FRMD4B: variants seen among roughly 807,000 people sequenced by gnomAD.
The protein encoded by FRMD4B is FERM domain containing 4B.
A neutral mutation model predicts 141.5 loss-of-function variants in FRMD4B; 74 were observed. The observed-to-expected ratio is 0.52, with a 90% CI of 0.43 to 0.63. The LOEUF (loss-of-function observed/expected upper bound fraction) is 0.63, where lower values mean the gene tolerates loss of function less well. Ranked by LOEUF, FRMD4B falls within the 30% of genes least tolerant of loss-of-function variation. FRMD4B has a pLI of 0.00. For synonymous variants in FRMD4B, 506 were observed against 467.9 expected, an observed-to-expected ratio of 1.08 and a Z score of -1.05; for missense variants, 1,366 against 1,253.4, an observed-to-expected ratio of 1.09 and a Z score of -1.36.
At chr3:69,480,898 G>C (rs1024258633) in intron 1 of FRMD4B, among the ~76,000 whole-genome samples, 50 of 152,350 alleles carry the variant, frequency 3.3e-4, no homozygotes, top group African/African-American at 1.1e-3. Context: ...GTTTACCTAA[G>C]CAAGCCTGGG....
At chr3:69,206,305 G>A (rs752229250) in intron 11 of FRMD4B, among the ~76,000 whole-genome samples, 8 of 152,132 alleles carry the variant, frequency 5.3e-5, no homozygotes, top group Non-Finnish European at 8.8e-5. Flanking sequence ...AGCTGAGATC[G>A]TGCCACTGCA....
chr3:69,503,633 A>G (rs867309933), intron 1 of FRMD4B, among the ~76,000 whole-genome samples: 105 of 152,336 alleles, frequency 6.9e-4, no homozygotes, highest in African/African-American at 2.5e-3. Context: ...ATGTATTCAT[A>G]TGTAACAATC....
intron 1 of FRMD4B, among the ~76,000 whole-genome samples, chr3:69,482,554 C>T (rs142091164): frequency 1.5e-4 from 23 of 152,296 alleles, no homozygotes; most frequent in Admixed American, 1.3e-4. Context: ...GTCTGACCTG[C>T]GCAATGCTCT....
intron 1 of FRMD4B, among the ~76,000 whole-genome samples, chr3:69,480,799 C>T (rs9826150): frequency 0.2 from 30,059 of 152,072 alleles, 3,810 homozygotes; most frequent in African/African-American, 0.36. Flanking sequence ...TTTGTCTCTG[C>T]CCTGCCCCCA....
At chr3:69,424,886 A>T (rs1431908423) in intron 2 of FRMD4B, among the ~76,000 whole-genome samples, 1 of 152,222 alleles carries the variant, frequency 6.6e-6, no homozygotes, top group East Asian at 1.9e-4. Context: ...AGTTATATAG[A>T]TGTAATATAG....
At chr3:69,381,569 C>T (rs1279901695) in intron 1 of FRMD4B, among the ~76,000 whole-genome samples, 2 of 152,184 alleles carry the variant, frequency 1.3e-5, no homozygotes, top group East Asian at 3.9e-4. Context: ...TATGTAACTC[C>T]CTGGTGTGTG....
At chr3:69,187,627 T>G in intron 19 of FRMD4B, 143 bp downstream of exon 19, 1 of 572,632 alleles carries the variant, frequency 1.7e-6, no homozygotes, top group Non-Finnish European at 2.9e-6. Context: ...ACTGGGTTAG[T>G]TTCTATGCCC....
intron 2 of FRMD4B, among the ~76,000 whole-genome samples, chr3:69,414,943 G>A (rs1704828207): frequency 7.3e-6 from 1 of 137,676 alleles, no homozygotes. Context: ...TCGGCTCACT[G>A]CAACCTCCGC....
chr3:69,370,542 C>T (rs544673771), intron 1 of FRMD4B, among the ~76,000 whole-genome samples: 8 of 152,222 alleles, frequency 5.3e-5, no homozygotes, highest in African/African-American at 1.4e-4. Flanking sequence ...AGAAGCCAAA[C>T]GAATGTATTC....
intron 7 of FRMD4B, among the ~76,000 whole-genome samples, chr3:69,247,601 C>T (rs1045466037): frequency 1.3e-5 from 2 of 152,164 alleles, no homozygotes; most frequent in Non-Finnish European, 2.9e-5. Context: ...ATTCTCCTGC[C>T]TTAGCCTCCT....
intron 1 of FRMD4B, among the ~76,000 whole-genome samples, chr3:69,530,548 T>C (rs1391931729): frequency 6.6e-6 from 1 of 151,754 alleles, no homozygotes; most frequent in African/African-American, 2.4e-5. Context: ...ATGAGTCAAA[T>C]AAAACCTCTT....
intron 1 of FRMD4B, chr3:69,541,436 G>C (rs900875828): frequency 6.6e-6 from 1 of 152,316 alleles, no homozygotes; most frequent in African/African-American, 2.4e-5. Flanking sequence ...GAGAGAGAGA[G>C]AGACCTCCTC....
intron 2 of FRMD4B, among the ~76,000 whole-genome samples, chr3:69,430,151 AC>A (rs147618067): frequency 0.027 from 4,100 of 152,134 alleles, 156 homozygotes; most frequent in East Asian, 0.09. Flanking sequence ...TATAATCAGG[AC>A]TGATATTGAG....
intron 19 of FRMD4B, among the ~76,000 whole-genome samples, chr3:69,183,778 A>G (rs1342031651): frequency 1.3e-5 from 2 of 151,928 alleles, no homozygotes; most frequent in African/African-American, 2.4e-5. Context: ...CACCGCGCCC[A>G]GCCTGAAGTT....
intron 1 of FRMD4B, among the ~76,000 whole-genome samples, chr3:69,482,781 C>G (rs927756846): frequency 6.6e-6 from 1 of 152,200 alleles, no homozygotes; most frequent in Admixed American, 6.5e-5. Context: ...TCGGGTGACC[C>G]CCATAGGGGT....
At chr3:69,270,601 C>A (rs1208202756) in intron 5 of FRMD4B, among the ~76,000 whole-genome samples, 1 of 148,188 alleles carries the variant, frequency 6.7e-6, no homozygotes, top group African/African-American at 2.5e-5. Flanking sequence ...GAGTCTCGCT[C>A]TCTCTCCAGG....
intron 1 of FRMD4B, among the ~76,000 whole-genome samples, chr3:69,378,637 TC>T (rs1559838321): frequency 6.6e-6 from 1 of 152,156 alleles, no homozygotes; most frequent in East Asian, 1.9e-4. Context: ...ATGCAATACT[TC>T]CCAAGTCTAT....
chr3:69,181,698 T>A lies in FRMD4B; in HGVS notation c.2052A>T (p.Ser684=). ...CACTCCGCTGGCGGCAGTGCTGAGA[T>A]GAAGATTCGGGTCTGAAAGAGGAGA... ...YSSSHLEPES[S]SQHCRQRSGS... is the part of the protein sequence containing the mutation. The change falls in exon 21 of 23, where the codon TCA becomes TCT. Residue 684 remains serine (S), a synonymous_variant. Coordinates refer to ENST00000398540, the MANE Select transcript of FRMD4B (RefSeq NM_015123.3). The A allele has an allele frequency of 2.5e-6, 4 of 1,609,780 alleles. No homozygotes were observed. The highest frequency in any genetic ancestry group is 3.4e-6 in the Non-Finnish European group (4 of 1,177,562).
At chr3:69,536,275 G>A (rs935625591) in intron 1 of FRMD4B, 27 of 620,958 alleles carry the variant, frequency 4.3e-5, no homozygotes, top group African/African-American at 3.9e-4. Context: ...GGACCATCAG[G>A]GGGCCATCTC....
Sources: allele counts gnomAD v4.1 joint callset (sites outside exome capture counted in the v4.1 genomes callset), GRCh38; gene constraint gnomAD v4.1.1; transcripts MANE v1.5; gene names NCBI Gene and HGNC (gene_info 2026-07-23, HGNC 2026-07-21).